Variants in B3GALT1 observed in about 807,000 individuals in gnomAD.
B3GALT1 encodes the protein beta-1,3-galactosyltransferase 1, also known as UDP-Gal:betaGlcNAc beta 1,3-galactosyltransferase, polypeptide 1.
A neutral mutation model predicts 23.2 loss-of-function variants in B3GALT1; 10 were observed. The ratio of observed to expected loss-of-function variants is 0.43; its 90% CI spans 0.27 to 0.73. The LOEUF is 0.73. B3GALT1 is among the 30% of genes least tolerant of loss of function. The probability of loss-of-function intolerance (pLI) is 0.21; values close to 1 mark genes in which losing one functional copy is unlikely to be tolerated. For synonymous variants in B3GALT1, 156 were observed against 141.5 expected, an observed-to-expected ratio of 1.10 and a Z score of -0.73; for missense variants, 299 against 405.4, an observed-to-expected ratio of 0.74 and a Z score of 2.25.
At chr2:167,364,836 G>A (rs560777478) in intron 1 of B3GALT1, among the ~76,000 whole-genome samples, 8 of 152,086 alleles carry the variant, frequency 5.3e-5, no homozygotes, top group African/African-American at 9.6e-5. Context: ...TGCATATCAT[G>A]TATATTGCAA....
chr2:167,865,746 T>C (rs572303589), intron 4 of B3GALT1, among the ~76,000 whole-genome samples: 27 of 152,194 alleles, frequency 1.8e-4, no homozygotes, highest in African/African-American at 5.8e-4. Flanking sequence ...GAGCCGAGAT[T>C]GCACCACTGC....
chr2:167,369,752 G>T (rs1298874107), intron 1 of B3GALT1, among the ~76,000 whole-genome samples: 2 of 152,160 alleles, frequency 1.3e-5, no homozygotes, highest in Non-Finnish European at 2.9e-5. Context: ...CAAGGAAAGG[G>T]ATATGTGATA....
At chr2:167,527,658 C>G (rs1022384933) in intron 2 of B3GALT1, among the ~76,000 whole-genome samples, 3 of 152,020 alleles carry the variant, frequency 2.0e-5, no homozygotes, top group African/African-American at 7.2e-5. Context: ...ATATTGCATG[C>G]TTTTTTCATA....
At chr2:167,439,589 A>G (rs1018406902) in intron 1 of B3GALT1, among the ~76,000 whole-genome samples, 3 of 151,930 alleles carry the variant, frequency 2.0e-5, no homozygotes, top group African/African-American at 7.2e-5. Flanking sequence ...GTTTTAGGGT[A>G]CATGTGCACA....
At chr2:167,561,624 A>T (rs1683992274) in intron 2 of B3GALT1, among the ~76,000 whole-genome samples, 1 of 152,234 alleles carries the variant, frequency 6.6e-6, no homozygotes, top group African/African-American at 2.4e-5. Context: ...TAAAGGGGAT[A>T]TCACCACCGA....
At chr2:167,836,535 C>T (rs1212398708) in intron 4 of B3GALT1, among the ~76,000 whole-genome samples, 1 of 152,130 alleles carries the variant, frequency 6.6e-6, no homozygotes, top group East Asian at 1.9e-4. Flanking sequence ...TGTGAAAAGA[C>T]CAAATCTACG....
chr2:167,616,778 C>A (rs1317353576), intron 2 of B3GALT1, among the ~76,000 whole-genome samples: 1 of 151,892 alleles, frequency 6.6e-6, no homozygotes, highest in Non-Finnish European at 1.5e-5. Flanking sequence ...TTTATTTCTC[C>A]CTGTAAACTT....
At chr2:167,532,711 C>A (rs1474150706) in intron 2 of B3GALT1, among the ~76,000 whole-genome samples, 1 of 151,730 alleles carries the variant, frequency 6.6e-6, no homozygotes. Flanking sequence ...TGCAACATTT[C>A]ATTTTTAGGT....
chr2:167,796,747 C>A (rs1441378102), intron 3 of B3GALT1, among the ~76,000 whole-genome samples: 1 of 151,522 alleles, frequency 6.6e-6, no homozygotes, highest in Non-Finnish European at 1.5e-5. Context: ...TGACACACTG[C>A]CTCAAAAAAT....
chr2:167,402,271 C>CATCA (rs1185945581), intron 1 of B3GALT1, among the ~76,000 whole-genome samples: 1 of 151,946 alleles, frequency 6.6e-6, no homozygotes, highest in African/African-American at 2.4e-5. Flanking sequence ...AATAGCGTGT[C>CATCA]ATCAATTAAA....
At position 167,757,890 on chromosome 2, in the gene B3GALT1, A is replaced by C. The variant is rs568901536; in HGVS notation, c.-351-60782A>C. 2.6e-5 allele frequency among the ~76,000 whole-genome samples: 4 copies of C among 152,296 alleles called. No individual in the cohort carries two copies. In the South Asian group the frequency reaches 6.2e-4, roughly 24 times the overall value. ...CAGCTCAGGACTGAGGAAGCCATGC[A>C]GGTTCCCTCTTCATTATGCAGTGTT... On this transcript the variant is annotated intron_variant, in intron 3 of 4. Transcript: ENST00000392690.
intron 3 of B3GALT1, among the ~76,000 whole-genome samples, chr2:167,685,566 G>A (rs1232672832): frequency 6.6e-6 from 1 of 152,132 alleles, no homozygotes; most frequent in Non-Finnish European, 1.5e-5. Context: ...AGATGCAGAG[G>A]CCCTGAGGCA....
intron 1 of B3GALT1, among the ~76,000 whole-genome samples, chr2:167,411,151 A>C (rs2105295565): frequency 6.6e-6 from 1 of 152,086 alleles, no homozygotes; most frequent in East Asian, 1.9e-4. Flanking sequence ...TATGGAGAAG[A>C]CCTCAAAAAA....
intron 1 of B3GALT1, among the ~76,000 whole-genome samples, chr2:167,348,110 T>A (rs145496854): frequency 5.2e-4 from 79 of 152,308 alleles, no homozygotes; most frequent in Non-Finnish European, 9.7e-4. Context: ...TCAAAGATAG[T>A]GTATATAAAC....
In B3GALT1 at chr2:167,490,170, C is replaced by T. The variant is rs1014158378; in HGVS notation, c.-510-7C>T. On this transcript the variant is annotated splice_polypyrimidine_tract_variant and splice_region_variant and intron_variant, in intron 1 of 4. Transcript: ENST00000392690. ...AAAGTTACTCATATATTTTTCTTTC[C>T]TTTTAGACCCATTAGAAACGCTTCA... is the stretch of plus-strand genomic sequence containing the variant. 4 of 152,104 alleles carry T rather than the reference C, an allele frequency of 2.6e-5. No individual in the cohort carries two copies. The highest frequency in any genetic ancestry group is 9.7e-5 in the African/African-American group (4 of 41,414). 9.4% of individuals were successfully genotyped at this position (152,104 alleles called of 1,614,324 possible). A position where few individuals can be genotyped will look rare whatever the true frequency, so the allele number is the denominator to read the frequency against.
intron 2 of B3GALT1, among the ~76,000 whole-genome samples, chr2:167,496,846 C>T (rs1389372753): frequency 6.6e-6 from 1 of 152,136 alleles, no homozygotes; most frequent in African/African-American, 2.4e-5. Flanking sequence ...AACATTGACA[C>T]TCTGTAACCC....
chr2:167,705,991 T>C (rs1050090474), intron 3 of B3GALT1, among the ~76,000 whole-genome samples: 2 of 152,156 alleles, frequency 1.3e-5, no homozygotes, highest in African/African-American at 2.4e-5. Context: ...AGAGGACCCA[T>C]ACATTAGTTC....
chr2:167,826,518 G>A (rs1558992814), intron 4 of B3GALT1, among the ~76,000 whole-genome samples: 1 of 152,144 alleles, frequency 6.6e-6, no homozygotes, highest in Non-Finnish European at 1.5e-5. Flanking sequence ...TTAAACCCTT[G>A]AAGAAACTCA....
At position 167,840,795 on chromosome 2, in the gene B3GALT1, G is replaced by T. The variant is rs574481211; in HGVS notation, c.-230+22002G>T. ...CCAACCCAAATGTCCAACAATGATAGACTGGATTAAGAAAATGTGGCACAT... is the reference window on the plus strand; with the variant it reads ...CCAACCCAAATGTCCAACAATGATATACTGGATTAAGAAAATGTGGCACAT... On this transcript the variant is annotated intron_variant, in intron 4 of 4. Coordinates refer to ENST00000392690, the MANE Select transcript of B3GALT1 (RefSeq NM_020981.4). Among the ~76,000 whole-genome samples the T allele has an allele frequency of 5.4e-3, 796 of 147,238 alleles. 8 individuals are homozygous for T. Among genetic ancestry groups the T allele is most frequent in the African/African-American group, 0.019 (765 of 39,416 alleles).
Sources: allele counts gnomAD v4.1 joint callset (sites outside exome capture counted in the v4.1 genomes callset), GRCh38; gene constraint gnomAD v4.1.1; transcripts MANE v1.5; gene names NCBI Gene and HGNC (gene_info 2026-07-23, HGNC 2026-07-21).